ERBB4: variants seen among roughly 807,000 people sequenced by gnomAD.
The protein encoded by ERBB4 is receptor tyrosine-protein kinase erbB-4.
ERBB4 carries 42 observed loss-of-function variants against 158.0 expected under a neutral mutation model. The observed-to-expected ratio is 0.27, with a 90% CI of 0.21 to 0.34. ERBB4 has a LOEUF of 0.34. Ranked by LOEUF, ERBB4 falls within the 10% of genes least tolerant of loss-of-function variation. The pLI is 1.00. For missense variants in ERBB4, 1,333 were observed against 1,624.1 expected, an observed-to-expected ratio of 0.82 and a Z score of 3.08; for synonymous variants, 583 against 558.7, an observed-to-expected ratio of 1.04 and a Z score of -0.61.
At chr2:211,995,591 T>C (rs2082182494) in intron 2 of ERBB4, among the ~76,000 whole-genome samples, 1 of 152,118 alleles carries the variant, frequency 6.6e-6, no homozygotes, top group Non-Finnish European at 1.5e-5. Context: ...TTTTTTATCC[T>C]TCTATATTCT....
intron 1 of ERBB4, among the ~76,000 whole-genome samples, chr2:212,406,350 G>A (rs562127462): frequency 2.0e-5 from 3 of 152,164 alleles, no homozygotes; most frequent in Non-Finnish European, 2.9e-5. Context: ...TACAAAAATC[G>A]GTTCACTTTG....
At chr2:211,496,372 A>C (rs993989894) in intron 20 of ERBB4, among the ~76,000 whole-genome samples, 3 of 151,984 alleles carry the variant, frequency 2.0e-5, no homozygotes, top group Admixed American at 1.3e-4. Context: ...TTATGTGTGC[A>C]AATCTGTGCT....
At chr2:212,019,777 G>GAAAAAAAAAAAAAAAAAAAA (rs2076607997) in intron 2 of ERBB4, among the ~76,000 whole-genome samples, 2 of 117,246 alleles carry the variant, frequency 1.7e-5, no homozygotes, top group Non-Finnish European at 3.6e-5. Flanking sequence ...AAAAAAAAAA[G>GAAAAAAAAAAAAAAAAAAAA]GAAAGAAAGA....
intron 20 of ERBB4, among the ~76,000 whole-genome samples, chr2:211,487,857 A>G (rs2065244723): frequency 1.3e-5 from 2 of 152,080 alleles, no homozygotes; most frequent in Non-Finnish European, 2.9e-5. Context: ...AGCTGGTGTA[A>G]TGAAGAGAGA....
At chr2:211,893,957 T>C (rs879427286) in intron 3 of ERBB4, among the ~76,000 whole-genome samples, 17,357 of 132,452 alleles carry the variant, frequency 0.13, 1,449 homozygotes, top group African/African-American at 0.23. Context: ...TTTGACACTG[T>C]TGGTGGGACT....
chr2:211,692,889 T>C (rs961152599), intron 12 of ERBB4, among the ~76,000 whole-genome samples: 5 of 152,156 alleles, frequency 3.3e-5, no homozygotes, highest in Non-Finnish European at 5.9e-5. Context: ...GCTCTGTGTG[T>C]AGGCAAGGTT....
intron 1 of ERBB4, among the ~76,000 whole-genome samples, chr2:212,490,143 G>T (rs1417152865): frequency 2.0e-5 from 3 of 151,694 alleles, no homozygotes; most frequent in Non-Finnish European, 3.0e-5. Flanking sequence ...TCTCTTTCTT[G>T]TCTCCTGGGT....
rs545655432 is a variant in ERBB4, at chr2:211,691,199, C to G, written c.1489+10768G>C. On this transcript the variant is annotated intron_variant, in intron 12 of 27. Coordinates refer to ENST00000342788, the MANE Select transcript of ERBB4 (RefSeq NM_005235.3). ...TTGTGATTAGACATAGATTTAAACCCTTACTCTGTAATTACCCAGGTAGCC... is the reference window on the plus strand; with the variant it reads ...TTGTGATTAGACATAGATTTAAACCGTTACTCTGTAATTACCCAGGTAGCC... 3.9e-5 allele frequency among the ~76,000 whole-genome samples: 6 copies of G among 152,204 alleles called. 1 individual carries two copies. In the South Asian group the frequency reaches 6.2e-4, roughly 16 times the overall value.
At position 211,784,634 on chromosome 2, in the gene ERBB4, G is replaced by C. The variant is rs536486129; in HGVS notation, c.556+3391C>G. ...ATATATATCCAGAAGTGGGATTGCT[G>C]TGTCATATGATAATTCTATTTTTAA... On this transcript the variant is annotated intron_variant, in intron 4 of 27. Transcript: ENST00000342788. Among the ~76,000 whole-genome samples the C allele has an allele frequency of 4.7e-4, 72 of 152,198 alleles. 1 individual carries two copies. Among genetic ancestry groups the C allele is most frequent in the East Asian group, 1.4e-3 (7 of 5,180 alleles).
chr2:212,171,567 T>A (rs958461257), intron 1 of ERBB4, among the ~76,000 whole-genome samples: 9 of 152,032 alleles, frequency 5.9e-5, no homozygotes, highest in African/African-American at 2.2e-4. Context: ...ATCCCCATAA[T>A]CCCCACATAT....
At chr2:211,415,414 C>G (rs1018636093) in intron 25 of ERBB4, among the ~76,000 whole-genome samples, 7 of 152,084 alleles carry the variant, frequency 4.6e-5, no homozygotes, top group African/African-American at 1.7e-4. Context: ...CCACCGCGCC[C>G]GGCCTGAATG....
At chr2:211,832,246 G>GA (rs1165007701) in intron 3 of ERBB4, among the ~76,000 whole-genome samples, 35 of 151,850 alleles carry the variant, frequency 2.3e-4, no homozygotes, top group African/African-American at 6.3e-4. Context: ...CCATGGATTT[G>GA]AAAAAAAAGT....
chr2:212,024,085 C>G (rs1012184035), intron 2 of ERBB4, among the ~76,000 whole-genome samples: 5 of 151,828 alleles, frequency 3.3e-5, no homozygotes, highest in Non-Finnish European at 7.4e-5. Context: ...CCCCTTTTCT[C>G]TCAGGCAGAC....
rs1478394764 is a variant in ERBB4 at position 212,538,495 on chromosome 2, G to T, written c.36C>A (p.Ser12Arg). ...KPATGLWVWV[S>R]LLVAAGTVQP... ...GGACGGTCCCCGCCGCCACGAGAAGGCTCACCCAGACCCAAAGTCCTGTCG... is the reference window on the plus strand; with the variant it reads ...GGACGGTCCCCGCCGCCACGAGAAGTCTCACCCAGACCCAAAGTCCTGTCG... The change falls in exon 1 of 28, where the codon AGC (serine) becomes AGA (arginine). Residue 12 changes from serine to arginine, a missense_variant. This residue lies in a region of ERBB4 where 438 missense variants were observed against 586.9 expected (regional missense o/e 0.75). Coordinates refer to ENST00000342788, the MANE Select transcript of ERBB4 (RefSeq NM_005235.3). The T allele has an allele frequency of 7.4e-6, 12 of 1,613,974 alleles. No homozygotes were observed. The highest frequency in any genetic ancestry group is 8.5e-6 in the Non-Finnish European group (10 of 1,179,966).
chr2:212,016,975 A>C (rs899966796), intron 2 of ERBB4, among the ~76,000 whole-genome samples: 1 of 152,152 alleles, frequency 6.6e-6, no homozygotes, highest in Non-Finnish European at 1.5e-5. Flanking sequence ...GAAAACATCA[A>C]ATGATTATAC....
At chr2:212,216,347 T>A (rs1250129629) in intron 1 of ERBB4, among the ~76,000 whole-genome samples, 1 of 151,380 alleles carries the variant, frequency 6.6e-6, no homozygotes, top group South Asian at 2.1e-4. Context: ...ACAGTAAATC[T>A]ATTTAAAATA....
At chr2:211,566,018 G>A (rs527526625) in intron 19 of ERBB4, among the ~76,000 whole-genome samples, 14 of 152,156 alleles carry the variant, frequency 9.2e-5, no homozygotes, top group Admixed American at 1.3e-4. Context: ...CTTTCTTGCT[G>A]AGCCCACCAG....
At chr2:211,777,234 C>T (rs1358377487) in intron 4 of ERBB4, 1 of 152,146 alleles carries the variant, frequency 6.6e-6, no homozygotes, top group Admixed American at 6.5e-5. Context: ...CAAAAACTAG[C>T]CCCTATCTCA....
At chr2:212,079,393 T>C (rs2078368884) in intron 2 of ERBB4, among the ~76,000 whole-genome samples, 1 of 152,064 alleles carries the variant, frequency 6.6e-6, no homozygotes, top group African/African-American at 2.4e-5. Flanking sequence ...CAAATATATA[T>C]CCTACCAAAA....
Sources: gnomAD v4.1 joint callset for allele counts (sites outside exome capture counted in the v4.1 genomes callset) on GRCh38, gnomAD v4.1.1 for gene constraint, gnomAD v4.1.1 regional missense constraint, MANE v1.5 for transcripts, NCBI Gene and HGNC (gene_info 2026-07-23, HGNC 2026-07-21) for gene names.